ANKRD33: variants seen among roughly 807,000 people sequenced by gnomAD.
ANKRD33 encodes the protein ankyrin repeat domain 33.
Under a neutral mutation model 20.6 loss-of-function variants are expected in ANKRD33, and 20 were observed. That is an observed-to-expected ratio of 0.97 (90% CI 0.68 to 1.41). The LOEUF (loss-of-function observed/expected upper bound fraction) is 1.41, where lower values mean the gene tolerates loss of function less well. Among genes scored for constraint, ANKRD33 ranks in the 40% most tolerant of loss-of-function variants. The pLI is 0.00. For synonymous variants in ANKRD33, 246 were observed against 245.0 expected (o/e 1.00, Z -0.04); for missense variants, 545 against 579.6 (o/e 0.94, Z 0.61).
Position 51,891,057 on chromosome 12 carries a change from G to A in ANKRD33, c.1111G>A (p.Val371Ile), listed in dbSNP as rs761162854. The A allele has an allele frequency of 5.0e-6, 8 of 1,613,532 alleles. No individual in the cohort carries two copies. The highest frequency in any genetic ancestry group is 4.5e-5 in the East Asian group (2 of 44,858). ...TCCCCAGAGGTCCCCGTGGGTCTTC[G>A]TCCCCTACCAGAGCCCTCAGGGCAT... is the stretch of plus-strand genomic sequence containing the variant. ...GSPQRSPWVFVPYQSPQGILS... is the reference protein window; with the variant it reads ...GSPQRSPWVFIPYQSPQGILS... Residue 371 changes from valine to isoleucine, a missense_variant, in exon 5 of 5, where the codon GTC becomes ATC. By Grantham distance (29) the Val-to-Ile change is conservative. Coordinates refer to ENST00000301190, the MANE Select transcript of ANKRD33 (RefSeq NM_182608.4).
In ANKRD33 at chr12:51,888,598, T is replaced by C; in HGVS notation, c.176T>C (p.Leu59Pro). 3 of 1,565,348 alleles carry C rather than the reference T, an allele frequency of 1.9e-6. No individual in the cohort carries two copies. The highest frequency in any genetic ancestry group is 2.2e-5 in the East Asian group (1 of 44,452). Residue 59 changes from leucine (L) to proline (P), a missense_variant, in exon 2 of 5, where the codon CTT (leucine) becomes CCT (proline). Leu to Pro is a moderately conservative substitution (Grantham distance 98, BLOSUM62 -3). Coordinates refer to ENST00000301190, the MANE Select transcript of ANKRD33 (RefSeq NM_182608.4). ...AGCTGCATGAGAAAAGGGACTCACC[T>C]TCTGGTTCCCTGCCTGGAAGAGGAA... ...NASCMRKGTH[L>P]LVPCLEEEEL...
At chr12:51,890,277 T>C (rs1940370419) in intron 4 of ANKRD33, 3 of 553,774 alleles carry the variant, frequency 5.4e-6, no homozygotes, top group Non-Finnish European at 6.5e-6. Flanking sequence ...AGCTCAGGCC[T>C]CTGCCTGTCC....
chr12:51,888,892 CTGAGAGGGGT>C (rs1190437597), intron 2 of ANKRD33, 74 bp downstream of exon 2: 2 of 1,599,332 alleles, frequency 1.3e-6, no homozygotes, highest in East Asian at 4.5e-5. Flanking sequence ...GCCTGGCTCC[CTGAGAGGGGT>C]TCAGGGGCAA....
rs1304714691 is a variant in ANKRD33, at chr12:51,891,036, C to T, written c.1090C>T (p.Gln364Ter). 6.2e-7 allele frequency: 1 copy of T among 1,614,082 alleles called. No homozygotes were observed. The highest frequency in any genetic ancestry group is 1.1e-5 in the South Asian group (1 of 91,084). The change falls in exon 5 of 5, where the codon CAG becomes TAG. Residue 364 changes from glutamine to a stop codon, truncating the protein, a stop_gained. Transcript: ENST00000301190. LOFTEE classifies it low-confidence loss of function (END_TRUNC). ...LVPQSPPGSP[Q>*]RSPWVFVPYQ... ...TCCCCAGTCCCCGCCAGGGAGTCCC[C>T]AGAGGTCCCCGTGGGTCTTCGTCCC... is the stretch of plus-strand genomic sequence containing the variant.
At chr12:51,888,458 GCTGGGATAAATGTTTTCC>G (rs1418717313) in intron 1 of ANKRD33, 92 bp from the exon 2 acceptor site, 6 of 1,566,864 alleles carry the variant, frequency 3.8e-6, no homozygotes, top group Non-Finnish European at 3.5e-6. Context: ...CGAGACCCCT[GCTGGGATAAATGTTTTCC>G]CTGGGGCAAG....
rs370738322 is a variant in ANKRD33, at chr12:51,890,923, C to A, written c.977C>A (p.Thr326Asn). 2 of 1,613,536 alleles carry A rather than the reference C, an allele frequency of 1.2e-6. No individual in the cohort carries two copies. Among genetic ancestry groups the A allele is most frequent in the African/African-American group, 1.3e-5 (1 of 74,946 alleles). The change falls in exon 5 of 5, where the codon ACT (threonine) becomes AAT (asparagine). Residue 326 changes from threonine to asparagine, a missense_variant. Coordinates refer to ENST00000301190, the MANE Select transcript of ANKRD33 (RefSeq NM_182608.4). ...CCCTTCGTCACCACTGCCTGCCACACTCTGTGCCCTGACCATCCACCTTCG... is the reference window on the plus strand; with the variant it reads ...CCCTTCGTCACCACTGCCTGCCACAATCTGTGCCCTGACCATCCACCTTCG... Reference protein sequence around the residue: ...ASPFVTTACHTLCPDHPPSLG... With the variant: ...ASPFVTTACHNLCPDHPPSLG...
At position 51,889,352 on chromosome 12, in the gene ANKRD33, T is replaced by A. The variant is rs1940331884; in HGVS notation, c.527-20T>A. 2 of 1,612,906 alleles carry A rather than the reference T, an allele frequency of 1.2e-6. No individual in the cohort carries two copies. Among genetic ancestry groups the A allele is most frequent in the South Asian group, 2.2e-5 (2 of 90,938 alleles). ...TCACCCCCTTTCCTGGGGACCAAGC[T>A]TACCCTTGCTGCCCTGCAGGCCACG... is the stretch of plus-strand genomic sequence containing the variant. On this transcript the variant is annotated intron_variant, in intron 3 of 4. Coordinates refer to ENST00000301190, the MANE Select transcript of ANKRD33 (RefSeq NM_182608.4).
chr12:51,888,120 C>G lies in ANKRD33; in HGVS notation c.-67C>G. 6.3e-7 allele frequency: 1 copy of G among 1,583,784 alleles called. No individual in the cohort carries two copies. The highest frequency in any genetic ancestry group is 8.6e-7 in the Non-Finnish European group (1 of 1,162,720). On this transcript the variant is annotated 5_prime_UTR_variant, in exon 1 of 5. Coordinates refer to ENST00000301190, the MANE Select transcript of ANKRD33 (RefSeq NM_182608.4). ...CCGCTCCTGAGACGTGACCACCCGC[C>G]CCGCATGGGGCCCCAGTCCCAGCTG...
chr12:51,889,432 G>C lies in ANKRD33; in HGVS notation c.587G>C (p.Arg196Pro). The C allele has an allele frequency of 6.2e-7, 1 of 1,614,104 alleles. No individual in the cohort carries two copies. The highest frequency in any genetic ancestry group is 8.5e-7 in the Non-Finnish European group (1 of 1,180,006). ...TATGTGGGCCTGGACCTGGAACGCC[G>C]GGACCAGCGGGGGCTCACGGCGTTA... ...NYYVGLDLER[R>P]DQRGLTALMK... Residue 196 changes from arginine (R) to proline (P), a missense_variant, in exon 4 of 5, where the codon CGG (arginine) becomes CCG (proline). Arg to Pro is a moderately radical substitution (Grantham distance 103, BLOSUM62 -2). Transcript: ENST00000301190.
Position 51,889,075 on chromosome 12 carries a change from C to T in ANKRD33, c.405C>T (p.Leu135=), listed in dbSNP as rs760712079. The part of the protein sequence containing the change: ...TQVDSNGRTG[L]MVACYHGFQS... The stretch of plus-strand genomic sequence containing the variant: ...AGCTGCCCCTCCCTCAGACAGGCCT[C>T]ATGGTCGCATGCTACCACGGCTTCC... The change falls in exon 3 of 5, where the codon CTC becomes CTT. Residue 135 remains leucine (L), a synonymous_variant. Coordinates refer to ENST00000301190, the MANE Select transcript of ANKRD33 (RefSeq NM_182608.4). 1.9e-6 allele frequency: 3 copies of T among 1,614,170 alleles called. No homozygotes were observed. The highest frequency in any genetic ancestry group is 2.5e-6 in the Non-Finnish European group (3 of 1,180,010).
intron 4 of ANKRD33, 118 bp from the exon 5 acceptor site, chr12:51,890,466 G>C: frequency 6.5e-7 from 1 of 1,535,690 alleles, no homozygotes; most frequent in Non-Finnish European, 8.7e-7. Flanking sequence ...ACCTTCAACA[G>C]GATGGGACTC....
At chr12:51,889,220 TC>T in intron 3 of ANKRD33, 24 bp downstream of exon 3, 1 of 1,614,026 alleles carries the variant, frequency 6.2e-7, no homozygotes, top group Non-Finnish European at 8.5e-7. Flanking sequence ...GCACCCCACT[TC>T]CGACAGCCCC....
intron 4 of ANKRD33, 142 bp from the exon 5 acceptor site, chr12:51,890,442 G>A (rs763512494): frequency 6.5e-7 from 1 of 1,531,252 alleles, no homozygotes. Context: ...TGCAACACTG[G>A]CCTCCCTGAT....
At chr12:51,890,209 A>G (rs1940368364) in intron 4 of ANKRD33, 3 of 397,400 alleles carry the variant, frequency 7.5e-6, no homozygotes, top group South Asian at 6.6e-5. Flanking sequence ...TGGTGAGAAG[A>G]GAAGAACCAG....
At chr12:51,889,933 A>G (rs1030551736) in intron 4 of ANKRD33, 26 of 226,270 alleles carry the variant, frequency 1.1e-4, no homozygotes, top group Admixed American at 3.6e-4. Context: ...AGTGTCGTTG[A>G]GGCCTGTGGC....
chr12:51,888,800 G>A lies in ANKRD33; in HGVS notation c.378G>A (p.Gln126=), dbSNP rs950125376. The change falls in exon 2 of 5, where the codon CAG becomes CAA. Residue 126 remains glutamine (Q), a synonymous_variant. Transcript: ENST00000301190. ...DGGVSPEEAT[Q]VDSNGRTGLM... ...GGGTCTCCCCAGAGGAGGCCACCCA[G>A]GTGGACAGCAATGGGAGGGTGAGAT... The A allele has an allele frequency of 1.2e-6, 2 of 1,613,548 alleles. No homozygotes were observed. Among genetic ancestry groups the A allele is most frequent in the African/African-American group, 2.7e-5 (2 of 74,938 alleles).
rs1592212727 is a variant in ANKRD33, at chr12:51,890,572, G to T, written c.638-12G>T. ...TATCCCGCCCCATGTCACCCCCTGTGCTCCTTCCCAGGTGCTGACCTGACA... is the reference window on the plus strand; with the variant it reads ...TATCCCGCCCCATGTCACCCCCTGTTCTCCTTCCCAGGTGCTGACCTGACA... On this transcript the variant is annotated splice_polypyrimidine_tract_variant and intron_variant, in intron 4 of 4. Transcript: ENST00000301190. 6.2e-7 allele frequency: 1 copy of T among 1,607,666 alleles called. No homozygotes were observed.
intron 3 of ANKRD33, 79 bp from the exon 4 acceptor site, chr12:51,889,293 G>C (rs1940329400): frequency 6.2e-7 from 1 of 1,607,338 alleles, no homozygotes; most frequent in African/African-American, 1.3e-5. Context: ...ACCAGACTCT[G>C]TCATGCTGGG....
intron 3 of ANKRD33, 22 bp downstream of exon 3, chr12:51,889,218 C>T (rs1274655916): frequency 1.2e-6 from 2 of 1,613,944 alleles, no homozygotes; most frequent in Non-Finnish European, 1.7e-6. Flanking sequence ...CTGCACCCCA[C>T]TTCCGACAGC....
Sources: gnomAD v4.1 joint callset for allele counts on GRCh38, gnomAD v4.1.1 for gene constraint, MANE v1.5 for transcripts, NCBI Gene and HGNC (gene_info 2026-07-23, HGNC 2026-07-21) for gene names.